Variants in CDH6 observed in about 807,000 individuals in gnomAD.
The protein encoded by CDH6 is cadherin 6, also known as cadherin-6.
Under a neutral mutation model 78.0 loss-of-function variants are expected in CDH6, and 31 were observed. The observed-to-expected ratio is 0.40, with a 90% CI of 0.30 to 0.54. The LOEUF is 0.54. CDH6 is among the 20% of genes least tolerant of loss of function. The pLI, the probability that CDH6 is intolerant of heterozygous loss-of-function variation, is 0.56. For synonymous variants in CDH6, 376 were observed against 368.8 expected, an observed-to-expected ratio of 1.02 and a Z score of -0.23; for missense variants, 724 against 975.9, an observed-to-expected ratio of 0.74 and a Z score of 3.44.
chr5:31,242,850 C>T (rs1697488041), intron 1 of CDH6, among the ~76,000 whole-genome samples: 1 of 148,580 alleles, frequency 6.7e-6, no homozygotes, highest in Non-Finnish European at 1.5e-5. Context: ...AATGAGACCT[C>T]GCCTCTACTA....
intron 7 of CDH6, among the ~76,000 whole-genome samples, chr5:31,312,589 G>T (rs1738189190): frequency 6.6e-6 from 1 of 152,152 alleles, no homozygotes; most frequent in Admixed American, 6.5e-5. Context: ...TACTCTGGAG[G>T]CTAAGGTGGG....
chr5:31,196,414 C>T (rs1740168811), intron 1 of CDH6, among the ~76,000 whole-genome samples: 1 of 152,196 alleles, frequency 6.6e-6, no homozygotes, highest in Non-Finnish European at 1.5e-5. Context: ...CTGAGTGAAA[C>T]TACAATCTTC....
chr5:31,220,439 T>A (rs923098290), intron 1 of CDH6, among the ~76,000 whole-genome samples: 2 of 152,142 alleles, frequency 1.3e-5, no homozygotes, highest in African/African-American at 4.8e-5. Context: ...GTTATTAAAG[T>A]GAGGGATGCC....
At chr5:31,265,308 G>A (rs1198168056) in intron 1 of CDH6, among the ~76,000 whole-genome samples, 1 of 152,136 alleles carries the variant, frequency 6.6e-6, no homozygotes, top group African/African-American at 2.4e-5. Context: ...TACCAAGGCT[G>A]CATTATGACA....
intron 1 of CDH6, among the ~76,000 whole-genome samples, chr5:31,195,976 A>G (rs1740152306): frequency 6.6e-6 from 1 of 152,238 alleles, no homozygotes; most frequent in South Asian, 2.1e-4. Context: ...TGCTACCATT[A>G]CAAGAAAGTG....
chr5:31,212,119 C>A (rs1433582770), intron 1 of CDH6, among the ~76,000 whole-genome samples: 3 of 152,156 alleles, frequency 2.0e-5, no homozygotes, highest in Non-Finnish European at 4.4e-5. Context: ...TTCTCTCGTG[C>A]AGTTTCCACC....
chr5:31,270,480 C>G (rs1205571014), intron 2 of CDH6, among the ~76,000 whole-genome samples: 2 of 152,126 alleles, frequency 1.3e-5, no homozygotes, highest in African/African-American at 2.4e-5. Context: ...AAACACAGCC[C>G]TCTCATTTCC....
chr5:31,256,141 AAATTCCCC>A (rs1440863035), intron 1 of CDH6, among the ~76,000 whole-genome samples: 2 of 152,220 alleles, frequency 1.3e-5, no homozygotes, highest in Non-Finnish European at 2.9e-5. Flanking sequence ...GGGAAACTTT[AAATTCCCC>A]ATCTTTAAAT....
chr5:31,291,185 GC>G (rs1237191313), intron 2 of CDH6, among the ~76,000 whole-genome samples: 3 of 152,032 alleles, frequency 2.0e-5, no homozygotes, highest in African/African-American at 7.3e-5. Context: ...GATAGCAATT[GC>G]CCCCCGCCGC....
rs146914572 is a variant in CDH6, at chr5:31,266,665, T to C, written c.-128-681T>C. 1.1e-3 allele frequency among the ~76,000 whole-genome samples: 164 copies of C among 152,332 alleles called. 2 individuals carry two copies. The highest frequency in any genetic ancestry group is 3.8e-3 in the African/African-American group (159 of 41,582). Reference sequence around the variant, plus strand: ...AAAAAAAAAAGTTTTCTGGTCAAGTTTGGGAAATGCTGGATTAAATATGTA... The same window carrying C: ...AAAAAAAAAAGTTTTCTGGTCAAGTCTGGGAAATGCTGGATTAAATATGTA... On this transcript the variant is annotated intron_variant, in intron 1 of 11. Coordinates refer to ENST00000265071, the MANE Select transcript of CDH6 (RefSeq NM_004932.4).
At chr5:31,322,679 C>G in intron 11 of CDH6, 139 bp from the exon 12 acceptor site, 1 of 951,454 alleles carries the variant, frequency 1.1e-6, no homozygotes, top group Admixed American at 2.7e-5. Flanking sequence ...GCAAGTGCAT[C>G]CTTAAAGAAA....
intron 1 of CDH6, among the ~76,000 whole-genome samples, chr5:31,199,685 G>GTGTA (rs796740950): frequency 0.05 from 3,945 of 79,652 alleles, 134 homozygotes; most frequent in Middle Eastern, 0.11. Flanking sequence ...GTGTGTGTGT[G>GTGTA]TATATATATA....
At chr5:31,287,179 C>T (rs1175528962) in intron 2 of CDH6, among the ~76,000 whole-genome samples, 2 of 152,088 alleles carry the variant, frequency 1.3e-5, no homozygotes, top group Non-Finnish European at 2.9e-5. Context: ...GATAGAGGAT[C>T]TCATGTGGGG....
intron 6 of CDH6, among the ~76,000 whole-genome samples, chr5:31,302,958 GGAAAGAAAAGA>G (rs1737866514): frequency 9.4e-6 from 1 of 106,098 alleles, no homozygotes; most frequent in African/African-American, 4.7e-5. Context: ...AAAGAAAGAA[GGAAAGAAAAGA>G]AAGAAAGAAA....
Position 31,267,411 on chromosome 5 carries a change from A to G in CDH6, c.-63A>G. On this transcript the variant is annotated 5_prime_UTR_variant, in exon 2 of 12. Coordinates refer to ENST00000265071, the MANE Select transcript of CDH6 (RefSeq NM_004932.4). Reference sequence around the variant, plus strand: ...GGAGGAATGAGGCTGGATACGGTGCAGTGAAAAAGGCACTTCCAAGAGTGG... The same window carrying G: ...GGAGGAATGAGGCTGGATACGGTGCGGTGAAAAAGGCACTTCCAAGAGTGG... 8.7e-7 allele frequency: 1 copy of G among 1,152,050 alleles called. No homozygotes were observed. The highest frequency in any genetic ancestry group is 1.3e-6 in the Non-Finnish European group (1 of 763,192). The allele number at this position is 1,152,050 out of a possible 1,614,324, so 71.4% of individuals were successfully genotyped here.
intron 1 of CDH6, among the ~76,000 whole-genome samples, chr5:31,213,953 G>A (rs1432195805): frequency 2.0e-5 from 3 of 152,048 alleles, no homozygotes; most frequent in Admixed American, 6.6e-5. Flanking sequence ...CTGCCCATTG[G>A]CACCATAGAA....
In CDH6 at chr5:31,325,311, TACACACACA is replaced by T. The variant is rs1738599207; in HGVS notation, c.*2004_*2012del. The T allele has an allele frequency of 1.6e-5, 2 of 123,672 alleles. No individual in the cohort carries two copies. The highest frequency in any genetic ancestry group is 1.9e-4 in the Admixed American group (1 of 5,396). The allele number at this position is 123,672 out of a possible 1,614,324, so 7.7% of individuals were successfully genotyped here. ...AGGGTTTCTTTTTTCTAGTTCTTCA[TACACACACA>T]TACACACACACACACACACACACAC... On this transcript the variant is annotated 3_prime_UTR_variant, in exon 12 of 12. Coordinates refer to ENST00000265071, the MANE Select transcript of CDH6 (RefSeq NM_004932.4).
At chr5:31,262,510 C>T (rs1204306548) in intron 1 of CDH6, among the ~76,000 whole-genome samples, 1 of 152,102 alleles carries the variant, frequency 6.6e-6, no homozygotes. Context: ...TATTAAGCAG[C>T]CTTTTACGTC....
At chr5:31,300,719 T>C (rs1737743839) in intron 5 of CDH6, among the ~76,000 whole-genome samples, 1 of 152,216 alleles carries the variant, frequency 6.6e-6, no homozygotes, top group African/African-American at 2.4e-5. Context: ...TAACTCACTC[T>C]GCTCTGCTTA....
Sources: gnomAD v4.1 joint callset for allele counts (sites outside exome capture counted in the v4.1 genomes callset) on GRCh38, gnomAD v4.1.1 for gene constraint, MANE v1.5 for transcripts, NCBI Gene and HGNC (gene_info 2026-07-23, HGNC 2026-07-21) for gene names.